The following RASGRP3 variants were observed in gnomAD, a reference collection of about 807,000 sequenced individuals.
RASGRP3 encodes the protein RAS guanyl releasing protein 3.
In RASGRP3, 54 loss-of-function variants were observed where a neutral mutation model predicts 82.7. The observed-to-expected ratio is 0.65, with a 90% CI of 0.52 to 0.82. RASGRP3 has a LOEUF of 0.82. Ranked by LOEUF, RASGRP3 falls within the 40% of genes least tolerant of loss-of-function variation. The pLI, the probability that RASGRP3 is intolerant of heterozygous loss-of-function variation, is 0.00. For synonymous variants in RASGRP3, 309 were observed against 300.5 expected (o/e 1.03, Z -0.29); for missense variants, 861 against 828.9 (o/e 1.04, Z -0.48).
chr2:33,519,556 G>T (rs762560038), intron 4 of RASGRP3, among the ~76,000 whole-genome samples: 2 of 152,158 alleles, frequency 1.3e-5, no homozygotes, highest in Non-Finnish European at 2.9e-5. Flanking sequence ...GCAGTGAACC[G>T]AGATCGTGCC....
chr2:33,506,227 C>T (rs892206562), intron 1 of RASGRP3, among the ~76,000 whole-genome samples: 1 of 152,194 alleles, frequency 6.6e-6, no homozygotes, highest in African/African-American at 2.4e-5. Flanking sequence ...ACCAGCCAAA[C>T]ACAGAGAATA....
intron 14 of RASGRP3, among the ~76,000 whole-genome samples, chr2:33,550,705 C>A (rs767570731): frequency 7.9e-5 from 12 of 152,166 alleles, no homozygotes; most frequent in Non-Finnish European, 1.6e-4. Flanking sequence ...GCCATGTCCT[C>A]CTGTTGACTC....
At chr2:33,559,153 G>A in intron 17 of RASGRP3, 123 bp downstream of exon 17, 1 of 788,870 alleles carries the variant, frequency 1.3e-6, no homozygotes, top group Non-Finnish European at 2.0e-6. Flanking sequence ...TGGGAATGAA[G>A]ACATGTATCA....
chr2:33,551,688 A>G (rs1484863930), intron 14 of RASGRP3, among the ~76,000 whole-genome samples: 1 of 151,710 alleles, frequency 6.6e-6, no homozygotes, highest in African/African-American at 2.4e-5. Context: ...CGCTAAATAT[A>G]ATAATAACAA....
intron 1 of RASGRP3, among the ~76,000 whole-genome samples, chr2:33,485,361 T>C (rs1282036916): frequency 6.6e-6 from 1 of 152,240 alleles, no homozygotes; most frequent in Non-Finnish European, 1.5e-5. Flanking sequence ...ACTCTGGATT[T>C]GTGATTGCAC....
At chr2:33,441,737 T>C (rs1285189884) in intron 1 of RASGRP3, among the ~76,000 whole-genome samples, 1 of 152,246 alleles carries the variant, frequency 6.6e-6, no homozygotes, top group Non-Finnish European at 1.5e-5. Context: ...TTATTAAGAT[T>C]TCCTAGATCT....
intron 1 of RASGRP3, among the ~76,000 whole-genome samples, chr2:33,499,037 C>T (rs1241945656): frequency 6.6e-6 from 1 of 152,098 alleles, no homozygotes; most frequent in Non-Finnish European, 1.5e-5. Flanking sequence ...CCACTATGAG[C>T]CTGTTAATAT....
chr2:33,464,893 C>T (rs986929131), intron 2 of RASGRP3, among the ~76,000 whole-genome samples: 6 of 152,148 alleles, frequency 3.9e-5, no homozygotes, highest in African/African-American at 1.4e-4. Flanking sequence ...TACAAACTGG[C>T]CATTTCCCCA....
chr2:33,483,566 G>A (rs1668119989), intron 1 of RASGRP3, among the ~76,000 whole-genome samples: 1 of 136,048 alleles, frequency 7.4e-6, no homozygotes. Flanking sequence ...TTAGCTCACT[G>A]CCACCTCCAT....
At chr2:33,486,068 G>C (rs1366750198) in intron 1 of RASGRP3, among the ~76,000 whole-genome samples, 1 of 152,086 alleles carries the variant, frequency 6.6e-6, no homozygotes, top group Non-Finnish European at 1.5e-5. Context: ...TTTCCATGTA[G>C]GTAACAAAAG....
chr2:33,522,197 C>T (rs1672101755), intron 7 of RASGRP3, 95 bp downstream of exon 7: 1 of 1,381,066 alleles, frequency 7.2e-7, no homozygotes, highest in Non-Finnish European at 9.8e-7. Context: ...TTGGCAGCTT[C>T]TATCACTGTG....
chr2:33,510,106 C>G (rs963295357), intron 1 of RASGRP3, among the ~76,000 whole-genome samples: 1 of 152,162 alleles, frequency 6.6e-6, no homozygotes, highest in Admixed American at 6.5e-5. Context: ...TTAGAGAAAC[C>G]TCTTTGTCTC....
intron 7 of RASGRP3, 50 bp downstream of exon 7, chr2:33,522,152 C>A (rs762037475): frequency 2.6e-6 from 4 of 1,555,834 alleles, no homozygotes; most frequent in Non-Finnish European, 2.6e-6. Flanking sequence ...ACCATGCCAA[C>A]TTTCCCAAGA....
At chr2:33,530,562 A>T (rs1017923392) in intron 10 of RASGRP3, among the ~76,000 whole-genome samples, 2 of 150,444 alleles carry the variant, frequency 1.3e-5, no homozygotes, top group Admixed American at 1.3e-4. Flanking sequence ...GACAGGGAGC[A>T]AACTTCTGCA....
At chr2:33,479,357 C>T (rs1456727276) in intron 1 of RASGRP3, among the ~76,000 whole-genome samples, 6 of 152,198 alleles carry the variant, frequency 3.9e-5, no homozygotes, top group Non-Finnish European at 8.8e-5. Flanking sequence ...TCCCATGCCC[C>T]TTCTGGCCTT....
chr2:33,455,507 C>A (rs571038058), intron 2 of RASGRP3, among the ~76,000 whole-genome samples: 10 of 152,350 alleles, frequency 6.6e-5, no homozygotes, highest in South Asian at 6.2e-4. Flanking sequence ...AGGCAATGAA[C>A]TTCATTAATG....
chr2:33,537,678 A>C (rs567757471), intron 11 of RASGRP3, among the ~76,000 whole-genome samples: 65 of 152,304 alleles, frequency 4.3e-4, no homozygotes, highest in African/African-American at 1.5e-3. Context: ...ATATAAATTA[A>C]AAAGAAAAGA....
intron 1 of RASGRP3, among the ~76,000 whole-genome samples, chr2:33,503,187 TATG>T (rs1339867808): frequency 2.6e-5 from 4 of 152,354 alleles, no homozygotes; most frequent in African/African-American, 9.6e-5. Context: ...CACTGTGATT[TATG>T]CTCTTAAAAC....
intron 1 of RASGRP3, among the ~76,000 whole-genome samples, chr2:33,500,849 G>T (rs4670632): frequency 6.6e-6 from 1 of 152,152 alleles, no homozygotes; most frequent in Non-Finnish European, 1.5e-5. Flanking sequence ...CAGGAGAATC[G>T]CTTGAACCTG....
Sources: allele counts gnomAD v4.1 joint callset (sites outside exome capture counted in the v4.1 genomes callset), GRCh38; gene constraint gnomAD v4.1.1; transcripts MANE v1.5; gene names NCBI Gene and HGNC (gene_info 2026-07-23, HGNC 2026-07-21).